The following NIBAN2 variants were observed in gnomAD, a reference collection of about 807,000 sequenced individuals.
The protein encoded by NIBAN2 is niban apoptosis regulator 2.
In NIBAN2, 36 loss-of-function variants were observed where a neutral mutation model predicts 81.8. The observed-to-expected ratio is 0.44, with a 90% CI of 0.34 to 0.58. The LOEUF is 0.58. Ranked by LOEUF, NIBAN2 falls within the 20% of genes least tolerant of loss-of-function variation. The probability of loss-of-function intolerance (pLI) is 0.02; values close to 1 mark genes in which losing one functional copy is unlikely to be tolerated. For synonymous variants in NIBAN2, 445 were observed against 441.6 expected, an observed-to-expected ratio of 1.01 and a Z score of -0.10; for missense variants, 897 against 1,014.1, an observed-to-expected ratio of 0.88 and a Z score of 1.57.
At chr9:127,557,503 A>G (rs564269270) in intron 1 of NIBAN2, among the ~76,000 whole-genome samples, 202 of 152,254 alleles carry the variant, frequency 1.3e-3, no homozygotes, top group African/African-American at 4.5e-3. Flanking sequence ...CTCAGCCCCA[A>G]TTGCACAGGA....
chr9:127,519,812 G>A (rs1836901451), intron 5 of NIBAN2, among the ~76,000 whole-genome samples: 1 of 152,220 alleles, frequency 6.6e-6, no homozygotes, highest in Admixed American at 6.5e-5. Flanking sequence ...CTGGGCCAGG[G>A]AAGGAGGTCC....
At position 127,563,586 on chromosome 9, in the gene NIBAN2, G is replaced by A. The variant is rs569463558; in HGVS notation, c.55+5234C>T. Among the ~76,000 whole-genome samples, 5 of 151,608 alleles carry A rather than the reference G, an allele frequency of 3.3e-5. No homozygotes were observed. Among genetic ancestry groups the A allele is most frequent in the Admixed American group, 6.6e-5 (1 of 15,214 alleles). On this transcript the variant is annotated intron_variant, in intron 1 of 13. Transcript: ENST00000373312. The surrounding 1 kb of genome is among the most constrained non-coding windows in gnomAD (Gnocchi z 4.1). ...CACCCAGGCTGGAGTGCAATGGTGC[G>A]ATCTCGTCTCACTGCAACCTCCACC...
chr9:127,564,780 G>A (rs2132238138), intron 1 of NIBAN2, among the ~76,000 whole-genome samples: 1 of 151,964 alleles, frequency 6.6e-6, no homozygotes, highest in East Asian at 1.9e-4. Context: ...GGCTGAGGCA[G>A]GAGAATTGCT....
intron 9 of NIBAN2, 48 bp downstream of exon 9, chr9:127,510,098 C>A: frequency 6.4e-7 from 1 of 1,553,542 alleles, no homozygotes; most frequent in South Asian, 1.2e-5. Flanking sequence ...TGGGACAGAC[C>A]AGACCTACTC....
At chr9:127,546,378 C>A (rs1837471922) in intron 1 of NIBAN2, among the ~76,000 whole-genome samples, 1 of 152,214 alleles carries the variant, frequency 6.6e-6, no homozygotes, top group Non-Finnish European at 1.5e-5. Context: ...GGACTGGGAA[C>A]CCAGGGTGCT....
chr9:127,508,330 T>C lies in NIBAN2; in HGVS notation c.1434+92A>G, dbSNP rs1253296683. Reference sequence around the variant, plus strand: ...GCACAAGAGGACCATGGCGCCTCCTTGCAGGGACAGCAATCCTGGTGGTGG... The same window carrying C: ...GCACAAGAGGACCATGGCGCCTCCTCGCAGGGACAGCAATCCTGGTGGTGG... On this transcript the variant is annotated intron_variant, in intron 11 of 13. Coordinates refer to ENST00000373312, the MANE Select transcript of NIBAN2 (RefSeq NM_022833.4). The surrounding 1 kb of genome is among the most constrained non-coding windows in gnomAD (Gnocchi z 6.4). 8.1e-6 allele frequency: 11 copies of C among 1,362,668 alleles called. No homozygotes were observed. The highest frequency in any genetic ancestry group is 1.0e-5 in the Non-Finnish European group (10 of 963,254). The allele number at this position is 1,362,668 out of a possible 1,614,324, so 84.4% of individuals were successfully genotyped here. A position where few individuals can be genotyped will look rare whatever the true frequency, so the allele number is the denominator to read the frequency against.
intron 1 of NIBAN2, among the ~76,000 whole-genome samples, chr9:127,576,768 A>G (rs529453856): frequency 6.7e-6 from 1 of 149,266 alleles, no homozygotes; most frequent in South Asian, 2.1e-4. Context: ...TTCCCAAGAC[A>G]GAGTCTTGCT....
chr9:127,572,292 G>A (rs1837958811), upstream of NIBAN2, among the ~76,000 whole-genome samples: 1 of 152,292 alleles, frequency 6.6e-6, no homozygotes, highest in Non-Finnish European at 1.5e-5. Flanking sequence ...GGGATTACAG[G>A]TGTGAGCCAC....
intron 1 of NIBAN2, among the ~76,000 whole-genome samples, chr9:127,549,331 T>A (rs899230348): frequency 1.3e-5 from 2 of 152,176 alleles, no homozygotes; most frequent in Admixed American, 1.3e-4. Flanking sequence ...CCCACACGCA[T>A]GCACACTCAC....
Position 127,576,232 on chromosome 9 carries a change from C to T in NIBAN2, c.16+2690G>A, listed in dbSNP as rs575323649. ...GGACCTCACAGGTTTGTTCATAGAC[C>T]TATACTGAAACACTCATGCCTGCAG... On this transcript the variant is annotated intron_variant, in intron 1 of 13. Transcript: ENST00000373314. 1.1e-4 allele frequency among the ~76,000 whole-genome samples: 16 copies of T among 152,162 alleles called. No individual in the cohort carries two copies. In the East Asian group the frequency reaches 3.1e-3, roughly 30 times the overall value.
At position 127,510,276 on chromosome 9, in the gene NIBAN2, G is replaced by A. The variant is rs553619776; in HGVS notation, c.1031C>T (p.Pro344Leu). Residue 344 changes from proline to leucine, a missense_variant, in exon 9 of 14, where the codon CCA (proline) becomes CTA (leucine). Pro to Leu is a moderately conservative substitution (Grantham distance 98). Around this residue, in one of 3 missense-constraint regions of NIBAN2, gnomAD observed 619 missense variants for 691.0 expected, o/e 0.90. Transcript: ENST00000373312. The stretch of plus-strand genomic sequence containing the variant: ...GACCATCAGGGCCTCCAGGATGGAT[G>A]GGATGTAGGGCTGGACATGGTTCCG... ...CVRNHVQPYIPSILEALMVPT... is the reference protein window; with the variant it reads ...CVRNHVQPYILSILEALMVPT... The A allele has an allele frequency of 1.9e-6, 3 of 1,614,098 alleles. No homozygotes were observed. The East Asian group carries it at 6.7e-5, about 36-fold the overall frequency.
At chr9:127,509,327 G>A (rs951820226) in intron 9 of NIBAN2, among the ~76,000 whole-genome samples, 196 bp from the exon 10 acceptor site, 3 of 152,174 alleles carry the variant, frequency 2.0e-5, no homozygotes, top group African/African-American at 7.2e-5. Context: ...CTGAAGGCAT[G>A]GAGGGCGCAG....
At chr9:127,572,901 A>C (rs2132247194), upstream of NIBAN2, among the ~76,000 whole-genome samples, 1 of 152,222 alleles carries the variant, frequency 6.6e-6, no homozygotes, top group South Asian at 2.1e-4. Context: ...TAAAAAAATT[A>C]GCTGGGCCTG....
chr9:127,546,392 C>T (rs1019838338), intron 1 of NIBAN2, among the ~76,000 whole-genome samples: 1 of 152,158 alleles, frequency 6.6e-6, no homozygotes, highest in Admixed American at 6.5e-5. Context: ...GGGTGCTCTG[C>T]TGTGGCTCGT....
chr9:127,558,337 G>C (rs1259452173), intron 1 of NIBAN2, among the ~76,000 whole-genome samples: 1 of 152,186 alleles, frequency 6.6e-6, no homozygotes, highest in Non-Finnish European at 1.5e-5. Context: ...ACGGGTGCGG[G>C]GGGTGGGAGT....
intron 8 of NIBAN2, among the ~76,000 whole-genome samples, chr9:127,513,113 A>T (rs1836766638): frequency 6.6e-6 from 1 of 152,248 alleles, no homozygotes; most frequent in Admixed American, 6.5e-5. Flanking sequence ...AGGCACAGAA[A>T]GACAAATATC....
intron 1 of NIBAN2, among the ~76,000 whole-genome samples, chr9:127,544,776 TTACA>T (rs2132212064): frequency 6.6e-6 from 1 of 152,312 alleles, no homozygotes; most frequent in East Asian, 1.9e-4. Context: ...AGTGCTAGGA[TTACA>T]GGCATGAGCC....
chr9:127,556,760 A>C (rs1255074642), intron 1 of NIBAN2, among the ~76,000 whole-genome samples: 1 of 152,158 alleles, frequency 6.6e-6, no homozygotes, highest in Non-Finnish European at 1.5e-5. Flanking sequence ...GCAGGTACTC[A>C]TATCACAGAT....
intron 8 of NIBAN2, among the ~76,000 whole-genome samples, chr9:127,515,589 C>A (rs1006099526): frequency 1.3e-5 from 2 of 150,214 alleles, no homozygotes; most frequent in African/African-American, 4.9e-5. Flanking sequence ...GTAATCCCAG[C>A]ACTTTGGGAG....
Sources: gnomAD v4.1 joint callset for allele counts (sites outside exome capture counted in the v4.1 genomes callset) on GRCh38, gnomAD v4.1.1 for gene constraint, gnomAD v4.1.1 regional missense constraint, Gnocchi (gnomAD v3.1) non-coding constraint, MANE v1.5 for transcripts, NCBI Gene and HGNC (gene_info 2026-07-23, HGNC 2026-07-21) for gene names.